The following ROBO2 variants were observed in gnomAD, a reference collection of about 807,000 sequenced individuals.
ROBO2 encodes roundabout homolog 2.
In ROBO2, 53 loss-of-function variants were observed where a neutral mutation model predicts 160.8. That is an observed-to-expected ratio of 0.33 (90% CI 0.26 to 0.41). The LOEUF is 0.41. ROBO2 is among the 10% of genes least tolerant of loss of function. ROBO2 has a pLI of 1.00. For missense variants in ROBO2, 1,577 were observed against 1,722.4 expected (o/e 0.92, Z 1.49); for synonymous variants, 664 against 611.7 (o/e 1.09, Z -1.26).
At chr3:76,152,119 G>C (rs2072233295) in intron 2 of ROBO2, among the ~76,000 whole-genome samples, 1 of 152,146 alleles carries the variant, frequency 6.6e-6, no homozygotes, top group Admixed American at 6.6e-5. Flanking sequence ...GCCATGTGCG[G>C]TGTTTAGCAA....
chr3:76,633,354 A>G (rs1242714615), intron 2 of ROBO2, among the ~76,000 whole-genome samples: 1 of 152,186 alleles, frequency 6.6e-6, no homozygotes, highest in Admixed American at 6.5e-5. Context: ...AGATCCCCTG[A>G]TATTTGTGAA....
intron 2 of ROBO2, among the ~76,000 whole-genome samples, chr3:77,227,441 G>GA (rs1333856710): frequency 6.6e-6 from 1 of 152,040 alleles, no homozygotes; most frequent in African/African-American, 2.4e-5. Flanking sequence ...GGTAAATATT[G>GA]AAAAAACTCT....
chr3:77,003,130 A>G (rs2061412317), intron 2 of ROBO2, among the ~76,000 whole-genome samples: 1 of 152,204 alleles, frequency 6.6e-6, no homozygotes, highest in South Asian at 2.1e-4. Flanking sequence ...CATAATAAAT[A>G]TTCTTTGTTA....
chr3:76,916,155 C>T (rs560399812), intron 2 of ROBO2, among the ~76,000 whole-genome samples: 1 of 152,278 alleles, frequency 6.6e-6, no homozygotes, highest in East Asian at 1.9e-4. Flanking sequence ...GCAGAAGATA[C>T]TTCTTTTTAA....
chr3:76,237,776 A>G (rs978264891), intron 2 of ROBO2, among the ~76,000 whole-genome samples: 3 of 152,250 alleles, frequency 2.0e-5, no homozygotes, highest in Non-Finnish European at 4.4e-5. Context: ...AGAGGACATG[A>G]GTGTGAAAAA....
chr3:77,219,487 C>CTATA (rs1314368807), intron 2 of ROBO2, among the ~76,000 whole-genome samples: 8 of 73,122 alleles, frequency 1.1e-4, no homozygotes, highest in Non-Finnish European at 1.7e-4. Flanking sequence ...TATATATAAT[C>CTATA]TGTATATATA....
At chr3:76,493,987 C>A (rs1261484109) in intron 2 of ROBO2, among the ~76,000 whole-genome samples, 1 of 152,134 alleles carries the variant, frequency 6.6e-6, no homozygotes, top group Non-Finnish European at 1.5e-5. Context: ...AGCAATTTCA[C>A]TCCCAGGCAT....
chr3:76,385,033 G>A (rs1410502826), intron 2 of ROBO2, among the ~76,000 whole-genome samples: 3 of 151,920 alleles, frequency 2.0e-5, no homozygotes, highest in African/African-American at 4.8e-5. Context: ...TCCCAGATAG[G>A]GCCTTGCTTT....
chr3:76,238,402 C>A (rs547954633), intron 2 of ROBO2, among the ~76,000 whole-genome samples: 91 of 152,248 alleles, frequency 6.0e-4, no homozygotes, highest in African/African-American at 1.9e-3. Context: ...TCATCAGACA[C>A]CTTACTAACT....
chr3:77,452,047 A>C (rs1160228926), intron 2 of ROBO2, among the ~76,000 whole-genome samples: 2 of 152,046 alleles, frequency 1.3e-5, no homozygotes, highest in Non-Finnish European at 2.9e-5. Flanking sequence ...GGGATAGTTT[A>C]CTGAGAGTGA....
At chr3:76,948,891 T>C (rs1559749610) in intron 2 of ROBO2, among the ~76,000 whole-genome samples, 1 of 25,922 alleles carries the variant, frequency 3.9e-5, no homozygotes, top group East Asian at 1.6e-3. Flanking sequence ...TATATATATA[T>C]ATATATATAT....
At position 76,628,244 on chromosome 3, in the gene ROBO2, G is replaced by GT. The variant is rs1164578387; in HGVS notation, c.110-469763dup. ...GACTGCTAAGATAAAAACAACGTGT[G>GT]TTTTTTTCTTTCTTTTTTTTATTGA... On this transcript the variant is annotated intron_variant, in intron 2 of 26. Transcript: ENST00000487694. 4.0e-5 allele frequency among the ~76,000 whole-genome samples: 6 copies of GT among 151,690 alleles called. No individual in the cohort carries two copies. In the East Asian group the frequency reaches 1.2e-3, roughly 30 times the overall value.
intron 2 of ROBO2, among the ~76,000 whole-genome samples, chr3:76,358,207 A>G (rs534838792): frequency 6.6e-6 from 1 of 151,908 alleles, no homozygotes; most frequent in Non-Finnish European, 1.5e-5. Context: ...GAGTCCCCTT[A>G]CTTGGGGTTT....
chr3:76,404,392 G>A (rs2078013235), intron 2 of ROBO2, among the ~76,000 whole-genome samples: 1 of 151,490 alleles, frequency 6.6e-6, no homozygotes, highest in Non-Finnish European at 1.5e-5. Flanking sequence ...TGAGAGTAAA[G>A]CAGTTAATTT....
intron 2 of ROBO2, among the ~76,000 whole-genome samples, chr3:76,474,049 G>A (rs909400408): frequency 6.6e-6 from 1 of 152,092 alleles, no homozygotes; most frequent in African/African-American, 2.4e-5. Flanking sequence ...TGGAAAAAAA[G>A]AAAGGAAGAA....
chr3:76,535,572 G>A (rs924705086), intron 2 of ROBO2, among the ~76,000 whole-genome samples: 1 of 152,104 alleles, frequency 6.6e-6, no homozygotes, highest in African/African-American at 2.4e-5. Context: ...AGGTGTGGCT[G>A]TAGCCCAGGA....
Position 76,970,035 on chromosome 3 carries a change from T to C in ROBO2, c.110-127979T>C, listed in dbSNP as rs555555839. Among the ~76,000 whole-genome samples, 36 of 152,310 alleles carry C rather than the reference T, an allele frequency of 2.4e-4. No individual in the cohort carries two copies. In the South Asian group the frequency reaches 5.8e-3, roughly 25 times the overall value. On this transcript the variant is annotated intron_variant, in intron 2 of 26. Transcript: ENST00000487694. ...AATGCAAAGCTTCAAAGTGTGAGCC[T>C]GGAAGAAAGGAAATTCCTCTGGGAT... is the stretch of plus-strand genomic sequence containing the variant.
intron 2 of ROBO2, among the ~76,000 whole-genome samples, chr3:76,555,418 A>AAGAAGAAGAAGAAG (rs879848225): frequency 6.2e-5 from 5 of 80,092 alleles, no homozygotes; most frequent in South Asian, 6.3e-4. Flanking sequence ...GAAGAAGAAG[A>AAGAAGAAGAAGAAG]AAGAAGGAGA....
chr3:76,201,835 A>T (rs1449136937), intron 2 of ROBO2, among the ~76,000 whole-genome samples: 1 of 149,656 alleles, frequency 6.7e-6, no homozygotes, highest in Non-Finnish European at 1.5e-5. Flanking sequence ...AATTCAATAT[A>T]CTGTGCACAG....
Sources: gnomAD v4.1 joint callset for allele counts (sites outside exome capture counted in the v4.1 genomes callset) on GRCh38, gnomAD v4.1.1 for gene constraint, MANE v1.5 for transcripts, NCBI Gene and HGNC (gene_info 2026-07-23, HGNC 2026-07-21) for gene names.